Variants in PABPC4L observed in about 807,000 individuals in gnomAD.
PABPC4L encodes the protein polyadenylate-binding protein 4-like.
For missense variants in PABPC4L, 452 were observed against 451.4 expected, an observed-to-expected ratio of 1.00 and a Z score of -0.01; for synonymous variants, 169 against 164.1, an observed-to-expected ratio of 1.03 and a Z score of -0.23.
chr4:134,015,346 G>A, the PABPC4L span, among the ~76,000 whole-genome samples: 1 of 152,030 alleles, frequency 6.6e-6, no homozygotes, highest in Non-Finnish European at 1.5e-5. Flanking sequence ...TCCACCCCAT[G>A]GTGCCAAACC....
chr4:134,081,610 G>A, the PABPC4L span, among the ~76,000 whole-genome samples: 1 of 152,036 alleles, frequency 6.6e-6, no homozygotes, highest in African/African-American at 2.4e-5. Flanking sequence ...GCACCAGATT[G>A]GGTTCAAACC....
chr4:134,147,935 T>C, the PABPC4L span, among the ~76,000 whole-genome samples: 8 of 152,160 alleles, frequency 5.3e-5, no homozygotes, highest in Non-Finnish European at 8.8e-5. Context: ...CTTAGTCCCA[T>C]TGAGAAACTC....
the PABPC4L span, among the ~76,000 whole-genome samples, chr4:134,185,651 A>C: frequency 6.6e-6 from 1 of 152,086 alleles, no homozygotes; most frequent in African/African-American, 2.4e-5. Context: ...CTCTCTCACC[A>C]CTCCTATTCA....
chr4:134,154,527 T>C, the PABPC4L span, among the ~76,000 whole-genome samples: 4 of 152,236 alleles, frequency 2.6e-5, no homozygotes, highest in East Asian at 7.7e-4. Context: ...CAGTTTATTA[T>C]ATACCTAATA....
chr4:134,029,338 G>A, the PABPC4L span, among the ~76,000 whole-genome samples: 1 of 151,988 alleles, frequency 6.6e-6, no homozygotes, highest in Non-Finnish European at 1.5e-5. Flanking sequence ...GTGCTTGGGA[G>A]GGGTGAGCAT....
the PABPC4L span, among the ~76,000 whole-genome samples, chr4:134,116,033 T>C: frequency 2.0e-5 from 3 of 151,716 alleles, no homozygotes; most frequent in Non-Finnish European, 4.4e-5. Context: ...ACTTGAAAAA[T>C]AAATGTATAA....
At chr4:134,122,269 C>A in the PABPC4L span, among the ~76,000 whole-genome samples, 1 of 151,818 alleles carries the variant, frequency 6.6e-6, no homozygotes, top group Non-Finnish European at 1.5e-5. Flanking sequence ...TTCTTTTGCA[C>A]ATATGACTGT....
the PABPC4L span, among the ~76,000 whole-genome samples, chr4:134,122,340 A>T: frequency 3.3e-5 from 5 of 151,884 alleles, no homozygotes; most frequent in Admixed American, 3.3e-4. Context: ...ATTTTCTCAT[A>T]AGCATTTTTT....
chr4:133,991,768 T>C, the PABPC4L span, among the ~76,000 whole-genome samples: 3 of 152,174 alleles, frequency 2.0e-5, no homozygotes, highest in Non-Finnish European at 4.4e-5. Context: ...CTGGTAGGAA[T>C]GCCTCAGATT....
intron 1 of PABPC4L, among the ~76,000 whole-genome samples, 199 bp from the exon 2 acceptor site, chr4:134,201,444 G>T (rs887548971): frequency 3.8e-4 from 58 of 152,268 alleles, no homozygotes; most frequent in African/African-American, 1.3e-3. Flanking sequence ...ACAAGCGGAG[G>T]CGTCAGAGGC....
chr4:134,076,454 A>G, the PABPC4L span, among the ~76,000 whole-genome samples: 1 of 152,178 alleles, frequency 6.6e-6, no homozygotes, highest in Non-Finnish European at 1.5e-5. Flanking sequence ...AGATGGGAAC[A>G]TCTTCAGTGC....
At chr4:133,963,519 T>C in the PABPC4L span, among the ~76,000 whole-genome samples, 2 of 152,132 alleles carry the variant, frequency 1.3e-5, no homozygotes, top group South Asian at 2.1e-4. Context: ...GAACATTCCA[T>C]CCAATAACCA....
At chr4:134,112,569 ACTATCTATCTATCTAT>A in the PABPC4L span, among the ~76,000 whole-genome samples, 919 of 147,942 alleles carry the variant, frequency 6.2e-3, 16 homozygotes, top group African/African-American at 0.021. Context: ...GCTCCACGTA[ACTATCTATCTATCTAT>A]CTATCTATCT....
chr4:134,065,872 G>C, the PABPC4L span, among the ~76,000 whole-genome samples: 1 of 151,986 alleles, frequency 6.6e-6, no homozygotes, highest in African/African-American at 2.4e-5. Context: ...TATTGAACAG[G>C]GAGTCCTTTT....
chr4:134,016,519 C>A, the PABPC4L span, among the ~76,000 whole-genome samples: 1 of 152,274 alleles, frequency 6.6e-6, no homozygotes, highest in Admixed American at 6.5e-5. Flanking sequence ...ACCAGTCCAA[C>A]TTATATCCCT....
the PABPC4L span, among the ~76,000 whole-genome samples, chr4:134,144,590 A>G: frequency 6.6e-6 from 1 of 151,452 alleles, no homozygotes; most frequent in Admixed American, 6.6e-5. Context: ...AAAAAAAAAA[A>G]AAAAACAGTT....
the PABPC4L span, among the ~76,000 whole-genome samples, chr4:133,974,995 G>A: frequency 6.6e-6 from 1 of 152,180 alleles, no homozygotes; most frequent in South Asian, 2.1e-4. Flanking sequence ...TTCACTCCAG[G>A]TGTATACCCA....
chr4:133,968,283 C>T, the PABPC4L span, among the ~76,000 whole-genome samples: 83 of 152,254 alleles, frequency 5.5e-4, no homozygotes, highest in African/African-American at 1.9e-3. Context: ...ATTAGGAGGT[C>T]TTAGAATAAT....
At chr4:134,040,881 A>G in the PABPC4L span, among the ~76,000 whole-genome samples, 1 of 152,172 alleles carries the variant, frequency 6.6e-6, no homozygotes, top group Non-Finnish European at 1.5e-5. Context: ...TACAACAACA[A>G]AGAAACAAAA....
Sources: gnomAD v4.1 joint callset for allele counts (sites outside exome capture counted in the v4.1 genomes callset) on GRCh38, gnomAD v4.1.1 for gene constraint, MANE v1.5 for transcripts, NCBI Gene and HGNC (gene_info 2026-07-23, HGNC 2026-07-21) for gene names.